ALCAM: variants seen among roughly 807,000 people sequenced by gnomAD.
ALCAM encodes the protein CD166 antigen.
In ALCAM, 30 loss-of-function variants were observed where a neutral mutation model predicts 70.9. The ratio of observed to expected loss-of-function variants is 0.42; its 90% CI spans 0.32 to 0.57. ALCAM has a LOEUF of 0.57. Among genes scored for constraint, ALCAM ranks in the 20% least tolerant of loss-of-function variants. The pLI, the probability that ALCAM is intolerant of heterozygous loss-of-function variation, is 0.11. For missense variants in ALCAM, 591 were observed against 695.1 expected (o/e 0.85, Z 1.68); for synonymous variants, 249 against 242.5 (o/e 1.03, Z -0.25).
At chr3:105,505,330 A>T (rs1221976595) in intron 1 of ALCAM, among the ~76,000 whole-genome samples, 2 of 152,196 alleles carry the variant, frequency 1.3e-5, no homozygotes, top group African/African-American at 4.8e-5. Context: ...GGAACCAGGG[A>T]CATCTTACAT....
intron 1 of ALCAM, among the ~76,000 whole-genome samples, chr3:105,413,158 C>T (rs1020903684): frequency 3.3e-5 from 5 of 152,022 alleles, no homozygotes; most frequent in Admixed American, 6.6e-5. Flanking sequence ...TCCATTTCTT[C>T]GACTGTAAAA....
intron 1 of ALCAM, among the ~76,000 whole-genome samples, chr3:105,419,301 G>A (rs533958273): frequency 7.2e-5 from 11 of 151,864 alleles, no homozygotes; most frequent in Admixed American, 1.3e-4. Context: ...TCTGAGTCAC[G>A]TTCAGATTGA....
At chr3:105,523,139 CAAAAAAAAAAA>C (rs59478384) in intron 2 of ALCAM, among the ~76,000 whole-genome samples, 4 of 87,016 alleles carry the variant, frequency 4.6e-5, no homozygotes, top group South Asian at 8.8e-4. Context: ...GACTCCGTCT[CAAAAAAAAAAA>C]AAAAAAAAAA....
intron 1 of ALCAM, among the ~76,000 whole-genome samples, chr3:105,381,825 T>A (rs1015984540): frequency 6.6e-6 from 1 of 151,888 alleles, no homozygotes; most frequent in African/African-American, 2.4e-5. Flanking sequence ...TCTCAAACTT[T>A]AGTCCCTTCT....
At chr3:105,417,151 T>C (rs905534937) in intron 1 of ALCAM, among the ~76,000 whole-genome samples, 1 of 151,934 alleles carries the variant, frequency 6.6e-6, no homozygotes, top group Non-Finnish European at 1.5e-5. Context: ...CCCGAGACAT[T>C]CACACACCCC....
chr3:105,506,038 T>C (rs1050170863), intron 1 of ALCAM, among the ~76,000 whole-genome samples: 6 of 152,186 alleles, frequency 3.9e-5, no homozygotes, highest in East Asian at 1.9e-4. Context: ...AATAAGATTT[T>C]GTATTGGAAA....
intron 1 of ALCAM, among the ~76,000 whole-genome samples, chr3:105,422,243 G>A (rs148423548): frequency 2.8e-4 from 42 of 151,438 alleles, no homozygotes; most frequent in African/African-American, 8.9e-4. Flanking sequence ...TTCATGGGTC[G>A]ATAGGCACTT....
At chr3:105,514,026 C>G (rs927813714) in intron 1 of ALCAM, among the ~76,000 whole-genome samples, 28 of 151,876 alleles carry the variant, frequency 1.8e-4, no homozygotes, top group Non-Finnish European at 3.7e-4. Flanking sequence ...ATAGAAACCT[C>G]AATTCAGTGA....
At chr3:105,428,347 T>G (rs1936844074) in intron 1 of ALCAM, among the ~76,000 whole-genome samples, 1 of 151,986 alleles carries the variant, frequency 6.6e-6, no homozygotes. Context: ...CAACTTTAAT[T>G]TTCACCCTTA....
chr3:105,489,159 G>T (rs904232461), intron 1 of ALCAM, among the ~76,000 whole-genome samples: 1 of 152,172 alleles, frequency 6.6e-6, no homozygotes, highest in African/African-American at 2.4e-5. Flanking sequence ...CATCCCTGAA[G>T]AGTTTTCTGT....
At chr3:105,570,576 CAT>C (rs1173669090) in intron 14 of ALCAM, among the ~76,000 whole-genome samples, 23 of 152,246 alleles carry the variant, frequency 1.5e-4, no homozygotes, top group Admixed American at 1.1e-3. Context: ...TGGACACACA[CAT>C]GTCTAAGCTA....
At chr3:105,550,099 A>AAG (rs1559652788) in intron 11 of ALCAM, 28 bp from the exon 12 acceptor site, 1 of 1,562,806 alleles carries the variant, frequency 6.4e-7, no homozygotes, top group South Asian at 1.1e-5. Context: ...TTTGATTTCT[A>AAG]AACCCACCTT....
In ALCAM at chr3:105,521,240, G is replaced by A. The variant is rs560273382; in HGVS notation, c.174+1073G>A. ...GGCGTGAACCCGGGAAGCGGAGCTTGCAGTGAGCCGAGATTGCGCCACTGC... is the reference window on the plus strand; with the variant it reads ...GGCGTGAACCCGGGAAGCGGAGCTTACAGTGAGCCGAGATTGCGCCACTGC... On this transcript the variant is annotated intron_variant, in intron 2 of 15. Transcript: ENST00000306107. Among the ~76,000 whole-genome samples, 9 of 141,278 alleles carry A rather than the reference G, an allele frequency of 6.4e-5. No individual in the cohort carries two copies. In the South Asian group the frequency reaches 1.8e-3, roughly 28 times the overall value. 92.7% of individuals were successfully genotyped at this position (141,278 alleles called of 152,430 possible). A position where few individuals can be genotyped will look rare whatever the true frequency, so the allele number is the denominator to read the frequency against.
At chr3:105,367,545 G>A in intron 1 of ALCAM, 64 bp downstream of exon 1, 1 of 1,586,944 alleles carries the variant, frequency 6.3e-7, no homozygotes, top group Non-Finnish European at 8.6e-7. Flanking sequence ...CTAGGTCCCC[G>A]TCCCAGCCTC....
At chr3:105,461,112 A>G (rs1418622152) in intron 1 of ALCAM, among the ~76,000 whole-genome samples, 1 of 151,684 alleles carries the variant, frequency 6.6e-6, no homozygotes, top group Admixed American at 6.6e-5. Context: ...CATGTTCCAG[A>G]CAGAGAACAT....
chr3:105,502,238 A>G (rs1310869898), intron 1 of ALCAM, among the ~76,000 whole-genome samples: 1 of 152,246 alleles, frequency 6.6e-6, no homozygotes, highest in Admixed American at 6.5e-5. Context: ...CAATGAGGTT[A>G]AGATGAAACA....
Position 105,534,792 on chromosome 3 carries a change from G to A in ALCAM, c.677G>A (p.Gly226Glu). Residue 226 changes from glycine (G) to glutamate (E), a missense_variant, in exon 6 of 16, where the codon GGA (glycine) becomes GAA (glutamate). Transcript: ENST00000306107. ...TTCACCTGCTCGGTGACATATTATG[G>A]ACCATCTGGCCAGAAAACAATTCAT... The part of the protein sequence containing the change: ...MPFTCSVTYY[G>E]PSGQKTIHSE... 3 of 1,613,662 alleles carry A rather than the reference G, an allele frequency of 1.9e-6. No individual in the cohort carries two copies. The highest frequency in any genetic ancestry group is 1.7e-4 in the Middle Eastern group (1 of 6,054).
intron 1 of ALCAM, among the ~76,000 whole-genome samples, chr3:105,455,341 C>G (rs1289415422): frequency 1.3e-5 from 2 of 150,640 alleles, no homozygotes; most frequent in African/African-American, 4.9e-5. Context: ...ACTCAGGAGG[C>G]TGAGGCAGGA....
chr3:105,556,485 A>G (rs1033386112), intron 14 of ALCAM, among the ~76,000 whole-genome samples: 1 of 152,018 alleles, frequency 6.6e-6, no homozygotes, highest in South Asian at 2.1e-4. Context: ...CCGAAAATCT[A>G]AAAGTCAGAA....
Sources: gnomAD v4.1 joint callset for allele counts (sites outside exome capture counted in the v4.1 genomes callset) on GRCh38, gnomAD v4.1.1 for gene constraint, MANE v1.5 for transcripts, NCBI Gene and HGNC (gene_info 2026-07-23, HGNC 2026-07-21) for gene names.